The following NID1 variants were observed in gnomAD, a reference collection of about 807,000 sequenced individuals.
The protein encoded by NID1 is nidogen-1.
In NID1, 76 loss-of-function variants were observed where a neutral mutation model predicts 130.6. The observed-to-expected ratio is 0.58, with a 90% CI of 0.48 to 0.70. NID1 has a LOEUF of 0.70. Ranked by LOEUF, NID1 falls within the 30% of genes least tolerant of loss-of-function variation. NID1 has a pLI of 0.00. For synonymous variants in NID1, 665 were observed against 675.1 expected (o/e 0.98, Z 0.23); for missense variants, 1,517 against 1,664.8 (o/e 0.91, Z 1.54).
chr1:235,993,279 C>T (rs1244449002), intron 13 of NID1, among the ~76,000 whole-genome samples: 1 of 152,202 alleles, frequency 6.6e-6, no homozygotes, highest in Non-Finnish European at 1.5e-5. Context: ...AGGAACATTC[C>T]ACCTCCACGC....
At chr1:235,995,881 C>A (rs781448311) in intron 12 of NID1, among the ~76,000 whole-genome samples, 1 of 152,204 alleles carries the variant, frequency 6.6e-6, no homozygotes. Flanking sequence ...TCTACTCGGC[C>A]AGGCACAGTG....
In NID1 at chr1:235,977,655, C is replaced by T. The variant is rs146931106; in HGVS notation, c.*212G>A. The T allele has an allele frequency of 1.8e-3, 990 of 547,502 alleles. 8 individuals are homozygous for T. The highest frequency in any genetic ancestry group is 0.017 in the African/African-American group (890 of 52,582). The allele number at this position is 547,502 out of a possible 1,614,324, so 33.9% of individuals were successfully genotyped here. On this transcript the variant is annotated 3_prime_UTR_variant, in exon 20 of 20. Coordinates refer to ENST00000264187, the MANE Select transcript of NID1 (RefSeq NM_002508.3). ...GGGTTGGGGGTAGGGGTGGAGGGTT[C>T]TGTCCTTGTGTAGGGGTGGAGACTT...
chr1:235,980,692 A>G (rs1044206424), intron 16 of NID1, 39 bp from the exon 17 acceptor site: 2 of 1,599,006 alleles, frequency 1.3e-6, no homozygotes, highest in African/African-American at 2.7e-5. Context: ...AAAAGAAATA[A>G]TAAGGATGCA....
In NID1 at chr1:236,042,259, C is replaced by T. The variant is rs1235365895; in HGVS notation, c.786G>A (p.Val262=). 2.5e-6 allele frequency: 4 copies of T among 1,606,762 alleles called. No homozygotes were observed. The highest frequency in any genetic ancestry group is 2.5e-6 in the Non-Finnish European group (3 of 1,179,950). The change falls in exon 4 of 20, where the codon GTG becomes GTA. Residue 262 remains valine, a synonymous_variant. Coordinates refer to ENST00000264187, the MANE Select transcript of NID1 (RefSeq NM_002508.3). ...TGGTGGCTGGACTCCCAATCTCAAA[C>T]ACCCAGACACCCTGCTGCCCAGAGT... ...SSNSGQQGVW[V]FEIGSPATTN...
rs768617564 is a variant in NID1, at chr1:236,026,739, A to ATT, written c.1739-600_1739-599dup. Reference sequence around the variant, plus strand: ...TTCAATAAATGGTGATTTCTTTTTCATTTTTTTTTTTTTTTTTGACACAGA... The same window carrying ATT: ...TTCAATAAATGGTGATTTCTTTTTCATTTTTTTTTTTTTTTTTTTGACACAGA... On this transcript the variant is annotated intron_variant, in intron 7 of 19. Transcript: ENST00000264187. 1.2e-4 allele frequency among the ~76,000 whole-genome samples: 17 copies of ATT among 137,196 alleles called. 1 individual carries two copies. The highest frequency in any genetic ancestry group is 4.0e-4 in the African/African-American group (15 of 37,048). 90.0% of individuals were successfully genotyped at this position (137,196 alleles called of 152,430 possible).
In NID1 at chr1:235,979,075, G is replaced by A. The variant is rs1657354727; in HGVS notation, c.3542C>T (p.Ser1181Phe). The A allele has an allele frequency of 6.2e-7, 1 of 1,613,910 alleles. No individual in the cohort carries two copies. ...NSVVALDLAI[S>F]KETDAFQPHK... is the part of the protein sequence containing the mutation. ...GGGTTGGAAAGCATCCGTCTCCTTG[G>A]AAATTGCAAGATCGAGAGCAACCAC... Residue 1181 changes from serine (S) to phenylalanine (F), a missense_variant, in exon 19 of 20, where the codon TCC becomes TTC. Physicochemically the swap from Ser to Phe is radical, Grantham distance 155. This residue lies in a region of NID1 where 181 missense variants were observed against 211.3 expected (regional missense o/e 0.86). Coordinates refer to ENST00000264187, the MANE Select transcript of NID1 (RefSeq NM_002508.3). The surrounding 1 kb of genome is among the most constrained non-coding windows in gnomAD (Gnocchi z 4.6).
At chr1:236,039,229 A>AG in intron 4 of NID1, among the ~76,000 whole-genome samples, 1 of 147,788 alleles carries the variant, frequency 6.8e-6, no homozygotes, top group Non-Finnish European at 1.5e-5. Context: ...TAATTATATG[A>AG]TATAATTTTT....
chr1:236,026,739 ATTT>A (rs768617564), intron 7 of NID1, among the ~76,000 whole-genome samples: 26 of 137,188 alleles, frequency 1.9e-4, no homozygotes, highest in African/African-American at 3.8e-4. Flanking sequence ...TTTCTTTTTC[ATTT>A]TTTTTTTTTT....
chr1:235,999,502 G>A lies in NID1; in HGVS notation c.2528-5630C>T, dbSNP rs192265857. On this transcript the variant is annotated intron_variant, in intron 12 of 19. Coordinates refer to ENST00000264187, the MANE Select transcript of NID1 (RefSeq NM_002508.3). ...GGAGAGTCCCCTGCTGAGTGTCCCTGGCCCCCATGGGAAACTTTCCATTAA... is the reference window on the plus strand; with the variant it reads ...GGAGAGTCCCCTGCTGAGTGTCCCTAGCCCCCATGGGAAACTTTCCATTAA... Among the ~76,000 whole-genome samples, 170 of 152,210 alleles carry A rather than the reference G, an allele frequency of 1.1e-3. 1 individual carries two copies. Among genetic ancestry groups the A allele is most frequent in the Non-Finnish European group, 1.4e-3 (95 of 67,998 alleles).
intron 1 of NID1, among the ~76,000 whole-genome samples, chr1:236,060,298 G>A (rs1260617778): frequency 1.3e-5 from 2 of 152,102 alleles, no homozygotes; most frequent in Non-Finnish European, 2.9e-5. Flanking sequence ...GCTGGTGAGA[G>A]TGTAGTAGTG....
intron 12 of NID1, among the ~76,000 whole-genome samples, chr1:236,000,874 T>C (rs1210583062): frequency 1.3e-5 from 2 of 152,146 alleles, no homozygotes; most frequent in African/African-American, 4.8e-5. Flanking sequence ...GTCAAGACTC[T>C]CTGGAAAGAG....
At chr1:236,034,112 A>G (rs4660147) in intron 5 of NID1, among the ~76,000 whole-genome samples, 100,504 of 152,036 alleles carry the variant, frequency 0.66, 34,333 homozygotes, top group African/African-American at 0.83. Context: ...ATTCATTAAG[A>G]TATTATTTAA....
rs763573108 is a variant in NID1 at position 236,038,240 on chromosome 1, G to C, written c.1149C>G (p.Asn383Lys). ...TAGCACACGTCTGGCGGGAATCCGT[G>C]TTATAGCTGAAAACTGGTCCAAGAA... ...VEETGVVFSY[N>K]TDSRQTCANN... Residue 383 changes from asparagine (N) to lysine (K), a missense_variant, in exon 5 of 20, where the codon AAC (asparagine) becomes AAG (lysine). This residue lies in a region of NID1 where 1,329 missense variants were observed against 1,429.2 expected (regional missense o/e 0.93). Transcript: ENST00000264187. 6.2e-7 allele frequency: 1 copy of C among 1,612,442 alleles called. No individual in the cohort carries two copies. The highest frequency in any genetic ancestry group is 1.7e-5 in the Admixed American group (1 of 59,962).
At chr1:236,019,678 C>T (rs1228696867) in intron 9 of NID1, among the ~76,000 whole-genome samples, 1 of 152,188 alleles carries the variant, frequency 6.6e-6, no homozygotes, top group African/African-American at 2.4e-5. Context: ...GGACAAGACC[C>T]TAGCAATTTC....
intron 12 of NID1, among the ~76,000 whole-genome samples, chr1:236,009,390 T>C (rs1299503361): frequency 6.6e-6 from 1 of 152,220 alleles, no homozygotes; most frequent in Non-Finnish European, 1.5e-5. Flanking sequence ...TTTCTGTTGT[T>C]TATAAACTCC....
intron 1 of NID1, among the ~76,000 whole-genome samples, chr1:236,051,119 C>T (rs1234114441): frequency 6.6e-6 from 1 of 152,100 alleles, no homozygotes; most frequent in East Asian, 1.9e-4. Context: ...ATTCCCTAAT[C>T]AAAAGGGAGA....
rs1312439602 is a variant in NID1, at chr1:235,981,751, A to T, written c.3087T>A (p.Asp1029Glu). 5 of 1,613,572 alleles carry T rather than the reference A, an allele frequency of 3.1e-6. No homozygotes were observed. In the East Asian group the frequency reaches 6.7e-5, roughly 22 times the overall value. ...TCCAGAAGATGTTGCGGCCAAGGTG[A>T]TCAACAGCGATACCTTCTGGACTTC... is the stretch of plus-strand genomic sequence containing the variant. ...DLGSPEGIAV[D>E]HLGRNIFWTD... Residue 1029 changes from aspartate to glutamate, a missense_variant, in exon 16 of 20, where the codon GAT (aspartate) becomes GAA (glutamate). By Grantham distance (45) the Asp-to-Glu change is conservative (BLOSUM62 2). Coordinates refer to ENST00000264187, the MANE Select transcript of NID1 (RefSeq NM_002508.3).
chr1:236,023,810 G>A (rs1658840073), intron 9 of NID1, among the ~76,000 whole-genome samples: 2 of 152,164 alleles, frequency 1.3e-5, no homozygotes, highest in Admixed American at 1.3e-4. Context: ...TTTTAAACCT[G>A]TGCATTCTTA....
At position 236,032,522 on chromosome 1, in the gene NID1, G is replaced by A; in HGVS notation, c.1416C>T (p.Ala472=). ...VVMNHGRSYT[A]ISTIPETVGY... ...CAACGGTCTCGGGAATGGTGCTGAT[G>A]GCTGTGTAGGAGCGCCCGTGGTTCA... Residue 472 remains alanine (A), a synonymous_variant, in exon 6 of 20, where the codon GCC becomes GCT. Transcript: ENST00000264187. 1 of 1,614,182 alleles carries A rather than the reference G, an allele frequency of 6.2e-7. No individual in the cohort carries two copies. Among genetic ancestry groups the A allele is most frequent in the East Asian group, 2.2e-5 (1 of 44,882 alleles).
Sources: gnomAD v4.1 joint callset for allele counts (sites outside exome capture counted in the v4.1 genomes callset) on GRCh38, gnomAD v4.1.1 for gene constraint, gnomAD v4.1.1 regional missense constraint, Gnocchi (gnomAD v3.1) non-coding constraint, MANE v1.5 for transcripts, NCBI Gene and HGNC (gene_info 2026-07-23, HGNC 2026-07-21) for gene names.